Variants in CPNE5 observed in about 807,000 individuals in gnomAD.
CPNE5 encodes copine 5, also known as copine-5.
In CPNE5, 42 loss-of-function variants were observed where a neutral mutation model predicts 81.1. The observed-to-expected ratio is 0.52, with a 90% CI of 0.40 to 0.67. The LOEUF (loss-of-function observed/expected upper bound fraction) is 0.67. Ranked by LOEUF, CPNE5 falls within the 30% of genes least tolerant of loss-of-function variation. CPNE5 has a pLI of 0.00. For synonymous variants in CPNE5, 313 were observed against 321.5 expected, an observed-to-expected ratio of 0.97 and a Z score of 0.28; for missense variants, 612 against 815.5, an observed-to-expected ratio of 0.75 and a Z score of 3.04.
At chr6:36,829,007 A>G (rs1020760384) in intron 1 of CPNE5, among the ~76,000 whole-genome samples, 2 of 152,198 alleles carry the variant, frequency 1.3e-5, no homozygotes, top group Non-Finnish European at 2.9e-5. Flanking sequence ...AGTGCCTGGC[A>G]TACAATAAGT....
rs769439984 is a variant in CPNE5 at position 36,745,084 on chromosome 6, G to T, written c.1395C>A (p.Ile465=). ...SVLLIITDGV[I]SDMAQTKEAI... is the part of the protein sequence containing the mutation. ...CCTCCTTGGTCTGCGCCATGTCCGA[G>T]ATGACCCCATCAGTAATGATGAGCA... The change falls in exon 18 of 21, where the codon ATC becomes ATA. Residue 465 remains isoleucine (I), a synonymous_variant. Transcript: ENST00000244751. 18 of 1,614,132 alleles carry T rather than the reference G, an allele frequency of 1.1e-5. No homozygotes were observed. Among genetic ancestry groups the T allele is most frequent in the Non-Finnish European group, 1.4e-5 (17 of 1,179,958 alleles).
intron 14 of CPNE5, among the ~76,000 whole-genome samples, chr6:36,749,326 A>G (rs1220512227): frequency 1.3e-5 from 2 of 152,208 alleles, no homozygotes; most frequent in South Asian, 4.1e-4. Flanking sequence ...AAGAGAATTA[A>G]GAGACCAACC....
intron 20 of CPNE5, 22 bp from the exon 21 acceptor site, chr6:36,742,508 T>G (rs1582663822): frequency 6.2e-7 from 1 of 1,601,632 alleles, no homozygotes; most frequent in South Asian, 1.1e-5. Flanking sequence ...GAGGGCAGGG[T>G]CAGGCAGTGC....
chr6:36,745,521 G>A lies in CPNE5; in HGVS notation c.1201-6C>T, dbSNP rs377673660. The A allele has an allele frequency of 3.6e-5, 57 of 1,598,074 alleles. No homozygotes were observed. In the African/African-American group the frequency reaches 6.4e-4, roughly 18 times the overall value. On this transcript the variant is annotated splice_region_variant and splice_polypyrimidine_tract_variant and intron_variant, in intron 16 of 20. Coordinates refer to ENST00000244751, the MANE Select transcript of CPNE5 (RefSeq NM_020939.2). ...GGGTTCTCCTGGTTGCCATTCTGGG[G>A]GACAGAGGGCAGGGAGGCTGAGCCC...
At position 36,839,344 on chromosome 6, in the gene CPNE5, C is replaced by G; in HGVS notation, c.34G>C (p.Glu12Gln). The stretch of plus-strand genomic sequence containing the variant: ...ATGCTGCCCGCCAAGGAGTCGAACT[C>G]GCTCAGCGACGCCATGTCCTCAGGC... Reference protein sequence around the residue: ...EQPEDMASLSEFDSLAGSIPA... With the variant: ...EQPEDMASLSQFDSLAGSIPA... The change falls in exon 1 of 21, where the codon GAG (glutamate) becomes CAG (glutamine). Residue 12 changes from glutamate to glutamine, a missense_variant. By Grantham distance (29) the Glu-to-Gln change is conservative. Coordinates refer to ENST00000244751, the MANE Select transcript of CPNE5 (RefSeq NM_020939.2). This position sits in a 1 kb window ranked among gnomAD's most constrained non-coding sequence, Gnocchi z 7.3. 2 of 1,553,604 alleles carry G rather than the reference C, an allele frequency of 1.3e-6. No homozygotes were observed. The highest frequency in any genetic ancestry group is 1.7e-6 in the Non-Finnish European group (2 of 1,148,144).
At chr6:36,836,288 G>A (rs1214392505) in intron 1 of CPNE5, among the ~76,000 whole-genome samples, 1 of 152,308 alleles carries the variant, frequency 6.6e-6, no homozygotes, top group South Asian at 2.1e-4. Context: ...ATGTGCACCT[G>A]TGCCAGGCAG....
chr6:36,743,370 A>G, intron 20 of CPNE5: 1 of 465,546 alleles, frequency 2.1e-6, no homozygotes, highest in South Asian at 9.0e-5. Context: ...TCAGCCTTCA[A>G]GGGGCAGAAA....
At chr6:36,768,587 A>T (rs1035941368) in intron 10 of CPNE5, among the ~76,000 whole-genome samples, 9 of 152,184 alleles carry the variant, frequency 5.9e-5, no homozygotes, top group Non-Finnish European at 4.4e-5. Context: ...GTCACTGCAG[A>T]TGTCACTTGT....
In CPNE5 at chr6:36,758,979, A is replaced by G. The variant is rs572780418; in HGVS notation, c.856-2681T>C. Among the ~76,000 whole-genome samples, 6 of 152,354 alleles carry G rather than the reference A, an allele frequency of 3.9e-5. No individual in the cohort carries two copies. The South Asian group carries it at 1.0e-3, about 26-fold the overall frequency. ...AAACAGCTTAAGTAGGCAAGCTGTT[A>G]AGATGAGGGCAAAATGGCAGCCCCA... On this transcript the variant is annotated intron_variant, in intron 12 of 20. Coordinates refer to ENST00000244751, the MANE Select transcript of CPNE5 (RefSeq NM_020939.2).
chr6:36,813,032 G>T (rs1168640577), intron 3 of CPNE5, among the ~76,000 whole-genome samples: 2 of 152,194 alleles, frequency 1.3e-5, no homozygotes, highest in Non-Finnish European at 2.9e-5. Flanking sequence ...GCAGGCAGAG[G>T]GTTATTTCTT....
At chr6:36,837,620 G>A (rs890207462) in intron 1 of CPNE5, among the ~76,000 whole-genome samples, 1 of 152,206 alleles carries the variant, frequency 6.6e-6, no homozygotes, top group Non-Finnish European at 1.5e-5. Flanking sequence ...GGACACAGAA[G>A]ACAATGATTT....
chr6:36,749,932 A>C (rs1269404780), intron 14 of CPNE5, among the ~76,000 whole-genome samples: 2 of 152,248 alleles, frequency 1.3e-5, no homozygotes, highest in African/African-American at 2.4e-5. Flanking sequence ...CAAAGCTGAC[A>C]AACACAAGTC....
At position 36,786,726 on chromosome 6, in the gene CPNE5, G is replaced by A. The variant is rs1248347566; in HGVS notation, c.528+5307C>T. Among the ~76,000 whole-genome samples, 4 of 152,100 alleles carry A rather than the reference G, an allele frequency of 2.6e-5. 1 individual carries two copies. Among genetic ancestry groups the A allele is most frequent in the South Asian group, 4.2e-4 (2 of 4,818 alleles). ...TATTAAGTGCATGTTTTCTAAAAATGTATAATGATACAGGAAAAGGCAGGC... is the reference window on the plus strand; with the variant it reads ...TATTAAGTGCATGTTTTCTAAAAATATATAATGATACAGGAAAAGGCAGGC... On this transcript the variant is annotated intron_variant, in intron 8 of 20. Coordinates refer to ENST00000244751, the MANE Select transcript of CPNE5 (RefSeq NM_020939.2).
intron 12 of CPNE5, among the ~76,000 whole-genome samples, chr6:36,762,288 GCACA>G (rs1391625094): frequency 7.0e-5 from 10 of 142,834 alleles, no homozygotes; most frequent in Non-Finnish European, 1.4e-4. Flanking sequence ...ACACGCACGC[GCACA>G]CACACATACA....
rs539100551 is a variant in CPNE5 at position 36,822,527 on chromosome 6, G to A, written c.137-367C>T. On this transcript the variant is annotated intron_variant, in intron 2 of 20. Transcript: ENST00000244751. ...GTCTGAAGTGTGAGGCAGGTAGACG[G>A]GTGGGTGTGATGGACGACAAGCAGA... 6.2e-4 allele frequency among the ~76,000 whole-genome samples: 95 copies of A among 152,290 alleles called. No individual in the cohort carries two copies. In the Middle Eastern group the frequency reaches 0.017, roughly 27 times the overall value.
intron 4 of CPNE5, 47 bp downstream of exon 4, chr6:36,799,920 A>G: frequency 7.2e-7 from 1 of 1,390,970 alleles, no homozygotes; most frequent in Non-Finnish European, 1.0e-6. Flanking sequence ...CCTGCCAGCA[A>G]TCTTCCTCCC....
intron 8 of CPNE5, among the ~76,000 whole-genome samples, chr6:36,785,590 C>T (rs1485857196): frequency 1.3e-5 from 2 of 152,124 alleles, no homozygotes; most frequent in African/African-American, 2.4e-5. Flanking sequence ...CTTTTAAAGC[C>T]AGGAACAGTG....
At chr6:36,793,374 T>C (rs1769271672) in intron 7 of CPNE5, among the ~76,000 whole-genome samples, 2 of 152,166 alleles carry the variant, frequency 1.3e-5, no homozygotes, top group Admixed American at 1.3e-4. Context: ...CCCCCTAGAC[T>C]TGGGCAGCTG....
chr6:36,785,566 T>G (rs1768455004), intron 8 of CPNE5, among the ~76,000 whole-genome samples: 1 of 152,138 alleles, frequency 6.6e-6, no homozygotes, highest in Non-Finnish European at 1.5e-5. Context: ...ACAACTTACA[T>G]GCCCTAAGAA....
Sources: gnomAD v4.1 joint callset for allele counts (sites outside exome capture counted in the v4.1 genomes callset) on GRCh38, gnomAD v4.1.1 for gene constraint, Gnocchi (gnomAD v3.1) non-coding constraint, MANE v1.5 for transcripts, NCBI Gene and HGNC (gene_info 2026-07-23, HGNC 2026-07-21) for gene names.